Variants in TCF7L2 observed in about 807,000 individuals in gnomAD.
The protein encoded by TCF7L2 is transcription factor 7-like 2.
A neutral mutation model predicts 77.9 loss-of-function variants in TCF7L2; 23 were observed. The observed-to-expected ratio is 0.30, with a 90% CI of 0.21 to 0.42. TCF7L2 has a LOEUF of 0.42. TCF7L2 is among the 10% of genes least tolerant of loss of function. The pLI is 1.00. For synonymous variants in TCF7L2, 413 were observed against 340.2 expected (o/e 1.21, Z -2.36); for missense variants, 654 against 793.1 (o/e 0.82, Z 2.11).
chr10:113,035,240 A>G (rs2050971274), intron 4 of TCF7L2, among the ~76,000 whole-genome samples: 1 of 152,124 alleles, frequency 6.6e-6, no homozygotes, highest in Non-Finnish European at 1.5e-5. Flanking sequence ...AAACGTTGCT[A>G]TTAGGCCACC....
chr10:113,025,667 C>T (rs1264511947), intron 4 of TCF7L2, among the ~76,000 whole-genome samples: 1 of 152,146 alleles, frequency 6.6e-6, no homozygotes, highest in Non-Finnish European at 1.5e-5. Context: ...AGGTGTGAGT[C>T]ACCGCTCCTG....
At chr10:112,982,466 A>G (rs953487128) in intron 4 of TCF7L2, among the ~76,000 whole-genome samples, 10 of 152,062 alleles carry the variant, frequency 6.6e-5, no homozygotes, top group African/African-American at 2.4e-4. Flanking sequence ...ATAGCTGATC[A>G]CCCTAACACA....
At chr10:113,043,758 T>C (rs1440495179) in intron 5 of TCF7L2, among the ~76,000 whole-genome samples, 1 of 152,170 alleles carries the variant, frequency 6.6e-6, no homozygotes. Flanking sequence ...TTGAAATTTA[T>C]ATTTTTAATT....
At chr10:113,078,799 AG>A (rs2059003879) in intron 5 of TCF7L2, among the ~76,000 whole-genome samples, 1 of 151,182 alleles carries the variant, frequency 6.6e-6, no homozygotes, top group Non-Finnish European at 1.5e-5. Context: ...TGGAAGCCGC[AG>A]GGATCAGTCA....
chr10:112,990,809 A>G (rs890363418), intron 4 of TCF7L2, among the ~76,000 whole-genome samples: 80 of 152,354 alleles, frequency 5.3e-4, no homozygotes, highest in African/African-American at 1.9e-3. Flanking sequence ...TAAAATGGTA[A>G]TAACGTTTCC....
intron 4 of TCF7L2, among the ~76,000 whole-genome samples, chr10:113,037,042 G>A (rs761479491): frequency 1.3e-5 from 2 of 151,854 alleles, no homozygotes; most frequent in Admixed American, 1.3e-4. Flanking sequence ...TCTCCAGGAA[G>A]GAAAAAAATT....
intron 4 of TCF7L2, among the ~76,000 whole-genome samples, chr10:112,991,384 T>C (rs894264701): frequency 6.6e-5 from 10 of 151,556 alleles, no homozygotes; most frequent in African/African-American, 2.4e-4. Context: ...GGCTGGCACC[T>C]GTAGTCCCAG....
intron 8 of TCF7L2, among the ~76,000 whole-genome samples, chr10:113,148,905 A>C (rs1301356579): frequency 6.6e-6 from 1 of 152,080 alleles, no homozygotes; most frequent in East Asian, 1.9e-4. Flanking sequence ...TGCACCCCAA[A>C]ATGTACTCAG....
Position 113,165,936 on chromosome 10 carries a change from C to A in TCF7L2, c.1773C>A (p.Pro591=). Residue 591 remains proline, a synonymous_variant, in exon 14 of 14, where the codon CCC becomes CCA. Coordinates refer to ENST00000627217, the MANE Select transcript of TCF7L2 (RefSeq NM_001146274.2). ...ACAGCTCCCTGGCCGGGACCCAGCC[C>A]CAGCCGCTGTCGCTCGTCACCAAGT... 2 of 1,549,940 alleles carry A rather than the reference C, an allele frequency of 1.3e-6. No homozygotes were observed. The highest frequency in any genetic ancestry group is 1.7e-6 in the Non-Finnish European group (2 of 1,146,692).
intron 4 of TCF7L2, among the ~76,000 whole-genome samples, chr10:112,973,127 G>C (rs138817016): frequency 9.9e-5 from 15 of 152,178 alleles, no homozygotes; most frequent in Non-Finnish European, 2.2e-4. Context: ...TAGGGATTAG[G>C]TCAGTGTTTC....
At chr10:113,125,513 T>C (rs1345785754) in intron 5 of TCF7L2, 1 of 152,126 alleles carries the variant, frequency 6.6e-6, no homozygotes, top group Non-Finnish European at 1.5e-5. Context: ...TAAAAAAAAA[T>C]TCTAGCAGAT....
chr10:113,082,798 A>C (rs751636744), intron 5 of TCF7L2, among the ~76,000 whole-genome samples: 2 of 152,010 alleles, frequency 1.3e-5, no homozygotes, highest in Non-Finnish European at 2.9e-5. Context: ...ACAGAAGTGG[A>C]GTGTGTTGGA....
chr10:113,101,522 G>A (rs904009839), intron 5 of TCF7L2, among the ~76,000 whole-genome samples: 1 of 151,902 alleles, frequency 6.6e-6, no homozygotes, highest in Admixed American at 6.6e-5. Context: ...CAGCTTGGGT[G>A]GCAGAACGAA....
chr10:113,058,853 C>T (rs1011308541), intron 5 of TCF7L2, among the ~76,000 whole-genome samples: 2 of 152,200 alleles, frequency 1.3e-5, no homozygotes, highest in African/African-American at 4.8e-5. Context: ...AATCCTTGCA[C>T]AATGCCATAT....
At chr10:113,000,435 G>A (rs1403671873) in intron 4 of TCF7L2, among the ~76,000 whole-genome samples, 8 of 152,338 alleles carry the variant, frequency 5.3e-5, no homozygotes, top group Non-Finnish European at 1.0e-4. Flanking sequence ...TTGTACAACT[G>A]GTAGGGAGTG....
At chr10:113,096,111 G>A (rs2060938430) in intron 5 of TCF7L2, among the ~76,000 whole-genome samples, 1 of 152,174 alleles carries the variant, frequency 6.6e-6, no homozygotes, top group Non-Finnish European at 1.5e-5. Flanking sequence ...TTAAGACTTT[G>A]TATTCCATAT....
chr10:112,956,775 A>G (rs759257562), intron 3 of TCF7L2, among the ~76,000 whole-genome samples: 2 of 152,226 alleles, frequency 1.3e-5, no homozygotes, highest in Non-Finnish European at 2.9e-5. Context: ...TTTACAGCCC[A>G]TAACACTTAT....
rs534331614 is a variant in TCF7L2, at chr10:113,167,151, A to G, written c.*1179A>G. On this transcript the variant is annotated 3_prime_UTR_variant, in exon 14 of 14. Coordinates refer to ENST00000627217, the MANE Select transcript of TCF7L2 (RefSeq NM_001146274.2). ...GTTCATCATGTTTTGCTGTGATGTT[A>G]CATAGGTAGATTTGTATGTAGTTTT... 13 of 229,194 alleles carry G rather than the reference A, an allele frequency of 5.7e-5. No individual in the cohort carries two copies. In the South Asian group the frequency reaches 1.6e-3, roughly 29 times the overall value. The allele number at this position is 229,194 out of a possible 1,614,324, so 14.2% of individuals were successfully genotyped here.
chr10:112,961,243 G>T (rs1021769378), intron 3 of TCF7L2, among the ~76,000 whole-genome samples: 2 of 96,072 alleles, frequency 2.1e-5, no homozygotes, highest in African/African-American at 1.0e-4. Flanking sequence ...TCGAACTCCC[G>T]ACCTCAGGTG....
Sources: gnomAD v4.1 joint callset for allele counts (sites outside exome capture counted in the v4.1 genomes callset) on GRCh38, gnomAD v4.1.1 for gene constraint, MANE v1.5 for transcripts, NCBI Gene and HGNC (gene_info 2026-07-23, HGNC 2026-07-21) for gene names.